MSH3: variants seen among roughly 807,000 people sequenced by gnomAD.
MSH3 encodes the protein DNA mismatch repair protein Msh3.
Under a neutral mutation model 123.3 loss-of-function variants are expected in MSH3, and 106 were observed. The ratio of observed to expected loss-of-function variants is 0.86; its 90% CI spans 0.73 to 1.01. The LOEUF is 1.01. Among genes scored for constraint, MSH3 ranks in the 50% least tolerant of loss-of-function variants. The pLI is 0.00. For synonymous variants in MSH3, 515 were observed against 481.4 expected (o/e 1.07, Z -0.91); for missense variants, 1,459 against 1,347.6 (o/e 1.08, Z -1.29).
chr5:80,801,477 A>G (rs1744789536), intron 19 of MSH3, among the ~76,000 whole-genome samples: 1 of 152,204 alleles, frequency 6.6e-6, no homozygotes. Context: ...TGTCACCTAC[A>G]AATATTTGAG....
chr5:80,788,965 A>G (rs1744562605), intron 18 of MSH3, among the ~76,000 whole-genome samples: 2 of 152,118 alleles, frequency 1.3e-5, no homozygotes, highest in Admixed American at 1.3e-4. Flanking sequence ...ATCCTAGTGT[A>G]TCCTCCCAGC....
intron 21 of MSH3, 79 bp downstream of exon 21, chr5:80,854,395 A>G (rs1745882392): frequency 7.7e-7 from 1 of 1,295,930 alleles, no homozygotes; most frequent in Non-Finnish European, 1.1e-6. Flanking sequence ...TAATTGTGCC[A>G]TATTTATGGG....
At chr5:80,719,946 G>A (rs1751047325) in intron 8 of MSH3, among the ~76,000 whole-genome samples, 1 of 152,206 alleles carries the variant, frequency 6.6e-6, no homozygotes, top group Non-Finnish European at 1.5e-5. Context: ...CTCTGGCTCA[G>A]TACATGTGGG....
chr5:80,775,861 A>G (rs1442549208), intron 16 of MSH3, 103 bp downstream of exon 16: 3 of 710,438 alleles, frequency 4.2e-6, no homozygotes, highest in African/African-American at 3.7e-5. Flanking sequence ...ATTAAAAGCA[A>G]TTCTTTTTAC....
intron 8 of MSH3, among the ~76,000 whole-genome samples, chr5:80,713,343 CA>C (rs1357835737): frequency 7.9e-5 from 12 of 152,278 alleles, no homozygotes; most frequent in African/African-American, 2.9e-4. Flanking sequence ...TGGTAGGCAA[CA>C]GAGAGGCATG....
At chr5:80,750,918 T>A (rs528642981) in intron 12 of MSH3, among the ~76,000 whole-genome samples, 1 of 152,328 alleles carries the variant, frequency 6.6e-6, no homozygotes, top group Non-Finnish European at 1.5e-5. Context: ...CTTAAAACGT[T>A]GTGTTAATAT....
chr5:80,864,112 A>G (rs190549761), intron 21 of MSH3, among the ~76,000 whole-genome samples: 1 of 152,346 alleles, frequency 6.6e-6, no homozygotes, highest in African/African-American at 2.4e-5. Flanking sequence ...TGCCGGAGTC[A>G]TATTGAAAAG....
chr5:80,744,690 GT>G, intron 12 of MSH3, 75 bp downstream of exon 12: 1 of 1,038,886 alleles, frequency 9.6e-7, no homozygotes, highest in Non-Finnish European at 1.5e-6. Flanking sequence ...TAAAACCAAG[GT>G]TACCATTGTT....
At chr5:80,818,809 T>C (rs1242924219) in intron 20 of MSH3, among the ~76,000 whole-genome samples, 2 of 152,228 alleles carry the variant, frequency 1.3e-5, no homozygotes, top group Non-Finnish European at 2.9e-5. Flanking sequence ...TTGATCATTG[T>C]TTGAGCTTGA....
At chr5:80,740,053 A>C (rs1743583337) in intron 10 of MSH3, among the ~76,000 whole-genome samples, 1 of 152,246 alleles carries the variant, frequency 6.6e-6, no homozygotes, top group South Asian at 2.1e-4. Context: ...TTTAAAAATA[A>C]GCTCTCAAGC....
intron 20 of MSH3, among the ~76,000 whole-genome samples, chr5:80,838,236 G>C (rs1005044057): frequency 6.6e-6 from 1 of 152,196 alleles, no homozygotes; most frequent in Non-Finnish European, 1.5e-5. Context: ...TATAGAGCAT[G>C]TCCACCACAG....
rs1486734790 is a variant in MSH3, at chr5:80,854,149, A to G, written c.2833A>G (p.Ile945Val). Reference protein sequence around the residue: ...IFTRMGAADNIYKGQSTFMEE... With the variant: ...IFTRMGAADNVYKGQSTFMEE... ...TTGTAGGATGGGTGCTGCAGACAAT[A>G]TATATAAAGGACAGAGTACATTTAT... The change falls in exon 21 of 24, where the codon ATA becomes GTA. Residue 945 changes from isoleucine (I) to valine (V), a missense_variant. Coordinates refer to ENST00000265081, the MANE Select transcript of MSH3 (RefSeq NM_002439.5). 4.3e-6 allele frequency: 7 copies of G among 1,613,556 alleles called. No individual in the cohort carries two copies. Among genetic ancestry groups the G allele is most frequent in the South Asian group, 1.1e-5 (1 of 91,062 alleles).
At chr5:80,873,388 A>G in intron 23 of MSH3, 101 bp downstream of exon 23, 7 of 1,158,746 alleles carry the variant, frequency 6.0e-6, no homozygotes, top group South Asian at 1.3e-5. Flanking sequence ...GTCTACTTTT[A>G]AGCACCTCTT....
intron 8 of MSH3, among the ~76,000 whole-genome samples, chr5:80,711,541 T>G (rs1250589790): frequency 6.6e-6 from 1 of 152,230 alleles, no homozygotes; most frequent in Non-Finnish European, 1.5e-5. Context: ...CTGTTGGCCA[T>G]GTGGACTTCA....
In MSH3 at chr5:80,713,174, T is replaced by A. The variant is rs541301266; in HGVS notation, c.1341-12279T>A. ...CATTTGTTTGTTCACAGTTGAACAT[T>A]AGTTCAGAGTCTCTGTTGGTGGTCT... On this transcript the variant is annotated intron_variant, in intron 8 of 23. Coordinates refer to ENST00000265081, the MANE Select transcript of MSH3 (RefSeq NM_002439.5). Among the ~76,000 whole-genome samples the A allele has an allele frequency of 2.0e-5, 3 of 152,314 alleles. No homozygotes were observed. In the South Asian group the frequency reaches 6.2e-4, roughly 32 times the overall value.
chr5:80,781,205 C>T (rs974533896), intron 17 of MSH3, among the ~76,000 whole-genome samples: 1 of 151,908 alleles, frequency 6.6e-6, no homozygotes, highest in Admixed American at 6.6e-5. Context: ...TTCAGTTGTC[C>T]TGGCTTTTTC....
At chr5:80,814,253 T>G (rs889707570) in intron 20 of MSH3, among the ~76,000 whole-genome samples, 21 of 152,006 alleles carry the variant, frequency 1.4e-4, no homozygotes, top group Admixed American at 1.2e-3. Context: ...TTTTAATTAT[T>G]GAGTTATTTT....
intron 3 of MSH3, among the ~76,000 whole-genome samples, chr5:80,666,037 AT>A (rs6151622): frequency 0.28 from 42,119 of 151,942 alleles, 6,058 homozygotes; most frequent in Middle Eastern, 0.35. Flanking sequence ...GGGCATGGAT[AT>A]TTTTTAAAAG....
chr5:80,803,541 T>C (rs1744829556), intron 19 of MSH3, among the ~76,000 whole-genome samples: 1 of 149,170 alleles, frequency 6.7e-6, no homozygotes, highest in South Asian at 2.1e-4. Flanking sequence ...ACTTTGTTGA[T>C]TGTTTCTTTT....
Sources: allele counts gnomAD v4.1 joint callset (sites outside exome capture counted in the v4.1 genomes callset), GRCh38; gene constraint gnomAD v4.1.1; transcripts MANE v1.5; gene names NCBI Gene and HGNC (gene_info 2026-07-23, HGNC 2026-07-21).